Variants in SHISA6 observed in about 807,000 individuals in gnomAD.
SHISA6 encodes the protein protein shisa-6.
Under a neutral mutation model 47.9 loss-of-function variants are expected in SHISA6, and 22 were observed. The ratio of observed to expected loss-of-function variants is 0.46; its 90% CI spans 0.33 to 0.66. The LOEUF is 0.66. Ranked by LOEUF, SHISA6 falls within the 30% of genes least tolerant of loss-of-function variation. The pLI is 0.02. For synonymous variants in SHISA6, 388 were observed against 337.8 expected (o/e 1.15, Z -1.63); for missense variants, 680 against 764.6 (o/e 0.89, Z 1.30).
rs2072062348 is a variant in SHISA6, at chr17:11,563,271, A to G, written c.*4967A>G. On this transcript the variant is annotated 3_prime_UTR_variant, in exon 6 of 6. Coordinates refer to ENST00000441885, the MANE Select transcript of SHISA6 (RefSeq NM_207386.4). ...TCTGGAATATGTGTCCTGAAGACCA[A>G]GTCTGGACACTGAGGCTCCATTCCA... The G allele has an allele frequency of 6.6e-6, 1 of 152,244 alleles. No individual in the cohort carries two copies. The highest frequency in any genetic ancestry group is 2.4e-5 in the African/African-American group (1 of 41,456). 9.4% of individuals were successfully genotyped at this position (152,244 alleles called of 1,614,324 possible). A position where few individuals can be genotyped will look rare whatever the true frequency, so the allele number is the denominator to read the frequency against.
chr17:11,252,378 C>T (rs981501309), intron 1 of SHISA6, among the ~76,000 whole-genome samples: 1 of 152,310 alleles, frequency 6.6e-6, no homozygotes, highest in African/African-American at 2.4e-5. Context: ...TCGTTGTTCC[C>T]TTAGCCAAAT....
intron 3 of SHISA6, among the ~76,000 whole-genome samples, chr17:11,433,736 G>T (rs1453867379): frequency 6.6e-6 from 1 of 152,062 alleles, no homozygotes; most frequent in Admixed American, 6.6e-5. Context: ...CAGGACCCTG[G>T]ATACTCTAGA....
At chr17:11,473,795 G>T (rs1347932703) in intron 3 of SHISA6, among the ~76,000 whole-genome samples, 1 of 151,904 alleles carries the variant, frequency 6.6e-6, no homozygotes, top group Admixed American at 6.6e-5. Flanking sequence ...GATTGTGCAG[G>T]TTTGTTACAT....
chr17:11,391,912 C>T (rs952576759), intron 3 of SHISA6, among the ~76,000 whole-genome samples: 2 of 152,150 alleles, frequency 1.3e-5, no homozygotes, highest in Non-Finnish European at 2.9e-5. Context: ...ATTCTTCTGC[C>T]ACTCTGAGTC....
chr17:11,403,670 T>C (rs1308145018), intron 3 of SHISA6, among the ~76,000 whole-genome samples: 1 of 152,238 alleles, frequency 6.6e-6, no homozygotes, highest in Admixed American at 6.5e-5. Context: ...TTGATTAATT[T>C]GTTTCTCTTT....
At chr17:11,493,554 G>A (rs1298159956) in intron 3 of SHISA6, among the ~76,000 whole-genome samples, 1 of 150,042 alleles carries the variant, frequency 6.7e-6, no homozygotes, top group African/African-American at 2.4e-5. Context: ...TTGTTTTTTG[G>A]TACCATGTGG....
rs1366123077 is a variant in SHISA6, at chr17:11,557,913, T to C, written c.1265T>C (p.Val422Ala). 1.5e-5 allele frequency: 24 copies of C among 1,551,560 alleles called. No individual in the cohort carries two copies. The highest frequency in any genetic ancestry group is 2.1e-5 in the Non-Finnish European group (24 of 1,146,990). ...RPIRAMSQDR[V>A]LSPDRGLPDE... is the part of the protein sequence containing the mutation. ...ATCCGGGCCATGTCCCAGGACAGGG[T>C]CCTGTCCCCGGATCGGGGCCTGCCA... The change falls in exon 6 of 6, where the codon GTC becomes GCC. Residue 422 changes from valine (V) to alanine (A), a missense_variant. Coordinates refer to ENST00000441885, the MANE Select transcript of SHISA6 (RefSeq NM_207386.4).
chr17:11,389,671 CT>C (rs1397061356), intron 3 of SHISA6, among the ~76,000 whole-genome samples: 1 of 152,218 alleles, frequency 6.6e-6, no homozygotes, highest in Non-Finnish European at 1.5e-5. Flanking sequence ...TGGGCTGTTG[CT>C]CTTCTTGTTT....
chr17:11,487,879 GC>G (rs1406642620), intron 3 of SHISA6, among the ~76,000 whole-genome samples: 2 of 152,172 alleles, frequency 1.3e-5, no homozygotes, highest in Non-Finnish European at 2.9e-5. Context: ...TTCCGTGAGG[GC>G]CGTAAAGTGC....
intron 1 of SHISA6, among the ~76,000 whole-genome samples, chr17:11,258,629 C>T (rs1029702934): frequency 7.2e-5 from 11 of 152,200 alleles, no homozygotes; most frequent in African/African-American, 2.7e-4. Flanking sequence ...CTGGGAAATG[C>T]TTGGAGGAAC....
chr17:11,334,107 A>C (rs779066370), intron 2 of SHISA6, among the ~76,000 whole-genome samples: 11 of 152,144 alleles, frequency 7.2e-5, no homozygotes. Context: ...ACTGAGCATG[A>C]AGATGGGGGT....
At chr17:11,282,627 C>T (rs1053963482) in intron 2 of SHISA6, among the ~76,000 whole-genome samples, 8 of 152,148 alleles carry the variant, frequency 5.3e-5, no homozygotes, top group African/African-American at 1.9e-4. Flanking sequence ...CAATTCCCAC[C>T]TATGAGTGAG....
At chr17:11,524,422 G>A (rs765943177) in intron 3 of SHISA6, among the ~76,000 whole-genome samples, 16 of 151,526 alleles carry the variant, frequency 1.1e-4, no homozygotes, top group Middle Eastern at 3.2e-3. Flanking sequence ...AAAAACCAAG[G>A]TATTTATCTA....
chr17:11,530,964 T>C (rs567869825), intron 3 of SHISA6, among the ~76,000 whole-genome samples: 1 of 152,228 alleles, frequency 6.6e-6, no homozygotes, highest in African/African-American at 2.4e-5. Context: ...TCAGCTGATG[T>C]TTGGTAGGTT....
chr17:11,455,281 G>A (rs1394698653), intron 3 of SHISA6, among the ~76,000 whole-genome samples: 2 of 152,184 alleles, frequency 1.3e-5, no homozygotes, highest in Non-Finnish European at 2.9e-5. Context: ...GGGAGTTTGT[G>A]GAGATTTCAT....
At chr17:11,363,928 T>C (rs1032110787) in intron 2 of SHISA6, among the ~76,000 whole-genome samples, 5 of 152,214 alleles carry the variant, frequency 3.3e-5, no homozygotes, top group South Asian at 2.1e-4. Context: ...CCTGAGGTGC[T>C]ACTCTCAGTG....
intron 2 of SHISA6, among the ~76,000 whole-genome samples, chr17:11,303,344 C>G (rs115091215): frequency 1.0e-4 from 15 of 150,322 alleles, no homozygotes; most frequent in Non-Finnish European, 1.9e-4. Flanking sequence ...TATGTGTGGT[C>G]GTGAGTATGG....
chr17:11,553,455 C>G (rs939426584), intron 4 of SHISA6, among the ~76,000 whole-genome samples: 1 of 152,196 alleles, frequency 6.6e-6, no homozygotes, highest in Admixed American at 6.5e-5. Context: ...CCATTCTTCC[C>G]TCCTTCTCTT....
At chr17:11,244,601 C>CT in intron 1 of SHISA6, among the ~76,000 whole-genome samples, 1 of 152,066 alleles carries the variant, frequency 6.6e-6, no homozygotes, top group South Asian at 2.1e-4. Flanking sequence ...TGTAGACTGT[C>CT]TTGTTGGGCA....
Sources: gnomAD v4.1 joint callset for allele counts (sites outside exome capture counted in the v4.1 genomes callset) on GRCh38, gnomAD v4.1.1 for gene constraint, MANE v1.5 for transcripts, NCBI Gene and HGNC (gene_info 2026-07-23, HGNC 2026-07-21) for gene names.